Variants in BICC1 observed in about 807,000 individuals in gnomAD.
BICC1 encodes protein bicaudal C homolog 1.
In BICC1, 43 loss-of-function variants were observed where a neutral mutation model predicts 111.0. That is an observed-to-expected ratio of 0.39 (90% CI 0.30 to 0.50). The LOEUF is 0.50. BICC1 is among the 20% of genes least tolerant of loss of function. BICC1 has a pLI of 0.88. For synonymous variants in BICC1, 467 were observed against 434.4 expected (o/e 1.07, Z -0.93); for missense variants, 1,091 against 1,203.2 (o/e 0.91, Z 1.38).
At chr10:58,560,541 T>TA (rs1410016369) in intron 1 of BICC1, among the ~76,000 whole-genome samples, 1 of 152,102 alleles carries the variant, frequency 6.6e-6, no homozygotes, top group Non-Finnish European at 1.5e-5. Context: ...TGTATTTTTT[T>TA]AGTCTCTATT....
intron 2 of BICC1, among the ~76,000 whole-genome samples, chr10:58,671,055 A>G (rs980802802): frequency 4.6e-5 from 7 of 152,046 alleles, no homozygotes; most frequent in Non-Finnish European, 1.0e-4. Flanking sequence ...TTCTAACCAC[A>G]TGGTTTTGCA....
chr10:58,798,524 T>G lies in BICC1; in HGVS notation c.1492T>G (p.Trp498Gly). The G allele has an allele frequency of 6.2e-7, 1 of 1,611,752 alleles. No individual in the cohort carries two copies. Among genetic ancestry groups the G allele is most frequent in the Non-Finnish European group, 8.5e-7 (1 of 1,179,084 alleles). The change falls in exon 11 of 21, where the codon TGG becomes GGG. Residue 498 changes from tryptophan to glycine, a missense_variant. This residue lies in a region of BICC1 where 843 missense variants were observed against 900.8 expected (regional missense o/e 0.94). Transcript: ENST00000373886. The part of the protein sequence containing the change: ...PSSGTPSPTL[W>G]APPLANTSSA... ...TTCTGGTACACCCAGCCCCACATTA[T>G]GGGCACCCCCACTTGCTAATACTTC... is the stretch of plus-strand genomic sequence containing the variant.
chr10:58,734,147 C>A (rs1214682086), intron 3 of BICC1, among the ~76,000 whole-genome samples: 1 of 152,202 alleles, frequency 6.6e-6, no homozygotes, highest in Admixed American at 6.5e-5. Flanking sequence ...AGATCTGCCA[C>A]CCTGCCTCTG....
intron 1 of BICC1, among the ~76,000 whole-genome samples, chr10:58,562,398 A>G (rs1415534286): frequency 2.6e-5 from 4 of 151,836 alleles, no homozygotes; most frequent in Non-Finnish European, 2.9e-5. Context: ...GATCTAGTCT[A>G]TTGTTGAAGC....
chr10:58,774,487 A>AT (rs764396565), intron 3 of BICC1, among the ~76,000 whole-genome samples: 5 of 152,328 alleles, frequency 3.3e-5, no homozygotes, highest in African/African-American at 1.2e-4. Flanking sequence ...AGATATGAGT[A>AT]TTTTTTGTGC....
intron 1 of BICC1, among the ~76,000 whole-genome samples, chr10:58,517,788 A>G (rs774044802): frequency 6.6e-6 from 1 of 152,184 alleles, no homozygotes; most frequent in Admixed American, 6.5e-5. Flanking sequence ...GGTAGTTTTG[A>G]AAATGAAGAG....
intron 1 of BICC1, among the ~76,000 whole-genome samples, chr10:58,583,603 T>C (rs1844346391): frequency 6.6e-6 from 1 of 152,016 alleles, no homozygotes; most frequent in Non-Finnish European, 1.5e-5. Context: ...TGTGTGTGTG[T>C]GTGTGTGTGT....
chr10:58,690,492 C>T (rs984007206), intron 2 of BICC1, among the ~76,000 whole-genome samples: 1 of 152,146 alleles, frequency 6.6e-6, no homozygotes, highest in African/African-American at 2.4e-5. Flanking sequence ...CCTTGTAGGC[C>T]ATTTAACATG....
chr10:58,591,412 T>C (rs1201374325), intron 1 of BICC1, among the ~76,000 whole-genome samples: 1 of 152,178 alleles, frequency 6.6e-6, no homozygotes, highest in East Asian at 1.9e-4. Flanking sequence ...TTCTGGAGGC[T>C]GGGAAGTCAA....
chr10:58,782,102 AGT>A (rs1304581908), intron 3 of BICC1, among the ~76,000 whole-genome samples: 1 of 152,108 alleles, frequency 6.6e-6, no homozygotes, highest in Non-Finnish European at 1.5e-5. Context: ...TTTGAATGAA[AGT>A]GTATTTTCTG....
At chr10:58,775,290 C>G (rs920365553) in intron 3 of BICC1, among the ~76,000 whole-genome samples, 1 of 151,984 alleles carries the variant, frequency 6.6e-6, no homozygotes, top group African/African-American at 2.4e-5. Context: ...AGGAGATTCA[C>G]TTGAATCTGG....
chr10:58,729,205 G>C (rs1564578686), intron 3 of BICC1, among the ~76,000 whole-genome samples: 1 of 152,208 alleles, frequency 6.6e-6, no homozygotes, highest in Non-Finnish European at 1.5e-5. Flanking sequence ...ACAGAAGGCT[G>C]TTTTGTCTAC....
intron 1 of BICC1, among the ~76,000 whole-genome samples, chr10:58,529,980 T>A (rs79030569): frequency 0.031 from 4,701 of 151,748 alleles, 229 homozygotes; most frequent in African/African-American, 0.11. Context: ...TCATTTTAAA[T>A]CATTTGGGAC....
At chr10:58,671,645 T>G (rs1839189677) in intron 2 of BICC1, among the ~76,000 whole-genome samples, 1 of 152,080 alleles carries the variant, frequency 6.6e-6, no homozygotes, top group African/African-American at 2.4e-5. Context: ...CTTCCATGCT[T>G]CCCTTGATTT....
Position 58,824,262 on chromosome 10 carries a change from A to G in BICC1, c.2794+3794A>G, listed in dbSNP as rs148040759. Among the ~76,000 whole-genome samples, 6 of 152,146 alleles carry G rather than the reference A, an allele frequency of 3.9e-5. No individual in the cohort carries two copies. The East Asian group carries it at 1.2e-3, about 29-fold the overall frequency. ...CCTGTGTGGGCAAGTGACTTAGTCTATTTTTTCAATCAGTTTTTTCACCTA... is the reference window on the plus strand; with the variant it reads ...CCTGTGTGGGCAAGTGACTTAGTCTGTTTTTTCAATCAGTTTTTTCACCTA... On this transcript the variant is annotated intron_variant, in intron 20 of 20. Coordinates refer to ENST00000373886, the MANE Select transcript of BICC1 (RefSeq NM_001080512.3).
chr10:58,651,148 T>C (rs760677723), intron 2 of BICC1, among the ~76,000 whole-genome samples: 6 of 152,230 alleles, frequency 3.9e-5, no homozygotes, highest in Non-Finnish European at 8.8e-5. Context: ...CCCATTTGTC[T>C]GGAAGTTGGA....
chr10:58,542,008 A>G (rs1842996165), intron 1 of BICC1, among the ~76,000 whole-genome samples: 1 of 151,804 alleles, frequency 6.6e-6, no homozygotes, highest in South Asian at 2.1e-4. Flanking sequence ...AAAGTTATCC[A>G]GGTGTAGTGA....
intron 9 of BICC1, 27 bp from the exon 10 acceptor site, chr10:58,796,313 T>C (rs764524834): frequency 8.7e-6 from 14 of 1,604,644 alleles, no homozygotes; most frequent in Non-Finnish European, 1.2e-5. Context: ...CATGTCACCT[T>C]TTTTCCCCCA....
chr10:58,827,359 CTG>C (rs1217456317), intron 20 of BICC1, among the ~76,000 whole-genome samples: 2 of 152,182 alleles, frequency 1.3e-5, no homozygotes, highest in Non-Finnish European at 2.9e-5. Flanking sequence ...TGGAAAAAAA[CTG>C]TGTCCAGATG....
Sources: gnomAD v4.1 joint callset for allele counts (sites outside exome capture counted in the v4.1 genomes callset) on GRCh38, gnomAD v4.1.1 for gene constraint, gnomAD v4.1.1 regional missense constraint, MANE v1.5 for transcripts, NCBI Gene and HGNC (gene_info 2026-07-23, HGNC 2026-07-21) for gene names.